Variants in LCP1 observed in about 807,000 individuals in gnomAD.
LCP1 encodes lymphocyte cytosolic protein 1.
LCP1 carries 23 observed loss-of-function variants against 72.0 expected under a neutral mutation model. The ratio of observed to expected loss-of-function variants is 0.32; its 90% CI spans 0.23 to 0.45. The LOEUF (loss-of-function observed/expected upper bound fraction) is 0.45. Ranked by LOEUF, LCP1 falls within the 20% of genes least tolerant of loss-of-function variation. The pLI is 1.00. For synonymous variants in LCP1, 245 were observed against 275.4 expected, an observed-to-expected ratio of 0.89 and a Z score of 1.09; for missense variants, 571 against 748.3, an observed-to-expected ratio of 0.76 and a Z score of 2.76.
intron 1 of LCP1, among the ~76,000 whole-genome samples, chr13:46,179,652 A>C (rs1318497873): frequency 2.0e-5 from 3 of 152,070 alleles, no homozygotes; most frequent in African/African-American, 7.2e-5. Flanking sequence ...ATAAAGAAGA[A>C]TGCAATTAAA....
rs2045702910 is a variant in LCP1, at chr13:46,142,250, AT to A, written c.1502+41del. 6 of 1,590,532 alleles carry A rather than the reference AT, an allele frequency of 3.8e-6. No individual in the cohort carries two copies. The East Asian group carries it at 1.3e-4, about 36-fold the overall frequency. ...AATTTGCTAATATTTGTCTAAGTAA[AT>A]AATGTATTCAAGAAAAAGCCACTTC... On this transcript the variant is annotated intron_variant, in intron 13 of 15. Transcript: ENST00000323076.
chr13:46,158,450 C>T (rs1219677210), intron 4 of LCP1, 72 bp downstream of exon 4: 4 of 1,541,602 alleles, frequency 2.6e-6, no homozygotes, highest in African/African-American at 1.4e-5. Context: ...TTGTTTACAT[C>T]CCTTAGGTTT....
intron 1 of LCP1, among the ~76,000 whole-genome samples, chr13:46,166,597 C>T (rs1566445010): frequency 1.3e-5 from 2 of 152,106 alleles, no homozygotes; most frequent in Non-Finnish European, 1.5e-5. Context: ...ATCTCAAGAA[C>T]AATCAGTAAT....
intron 12 of LCP1, 83 bp downstream of exon 12, chr13:46,143,207 G>T: frequency 2.4e-6 from 2 of 845,592 alleles, no homozygotes; most frequent in Non-Finnish European, 3.9e-6. Context: ...GTCTACGTTT[G>T]GCTGCCTTAT....
intron 13 of LCP1, among the ~76,000 whole-genome samples, chr13:46,134,866 G>A (rs896738065): frequency 1.3e-5 from 2 of 152,034 alleles, no homozygotes; most frequent in African/African-American, 4.8e-5. Context: ...CACTTTAGGA[G>A]GCCAAGGTGA....
chr13:46,163,153 G>A lies in LCP1; in HGVS notation c.-24-3467C>T, dbSNP rs377047208. Among the ~76,000 whole-genome samples, 6 of 152,246 alleles carry A rather than the reference G, an allele frequency of 3.9e-5. No homozygotes were observed. The East Asian group carries it at 7.7e-4, about 20-fold the overall frequency. ...TGGGAGGTGTACCCAACAGCTCATT[G>A]AGAACGGGCCAGGATGACAATGGCG... On this transcript the variant is annotated intron_variant, in intron 1 of 15. Transcript: ENST00000323076.
intron 13 of LCP1, among the ~76,000 whole-genome samples, chr13:46,136,114 A>ACACAC (rs1566434252): frequency 9.6e-5 from 11 of 114,412 alleles, no homozygotes; most frequent in Non-Finnish European, 1.7e-4. Context: ...CACACACACA[A>ACACAC]AGACCTATAC....
Position 46,158,929 on chromosome 13 carries a change from C to A in LCP1, c.125G>T (p.Cys42Phe). 6.2e-7 allele frequency: 1 copy of A among 1,614,116 alleles called. No individual in the cohort carries two copies. Among genetic ancestry groups the A allele is most frequent in the East Asian group, 2.2e-5 (1 of 44,880 alleles). ...NELNDLFKAA[C>F]LPLPGYRVRE... ...TACTCTATACCCAGGCAAAGGCAAGCAAGCAGCCTTGAACAAGTCATTCAA... is the reference window on the plus strand; with the variant it reads ...TACTCTATACCCAGGCAAAGGCAAGAAAGCAGCCTTGAACAAGTCATTCAA... Residue 42 changes from cysteine (C) to phenylalanine (F), a missense_variant, in exon 3 of 16, where the codon TGC (cysteine) becomes TTC (phenylalanine). By Grantham distance (205) the Cys-to-Phe change is radical. Transcript: ENST00000323076.
chr13:46,158,815 A>G lies in LCP1; in HGVS notation c.228+11T>C. ...TCAAATGTGTCTCCTTGTATTCTGC[A>G]TGGTACTCACCTTGATAAACTCATC... On this transcript the variant is annotated intron_variant, in intron 3 of 15. Transcript: ENST00000323076. The G allele has an allele frequency of 1.2e-6, 2 of 1,613,808 alleles. No homozygotes were observed. Among genetic ancestry groups the G allele is most frequent in the East Asian group, 2.2e-5 (1 of 44,882 alleles).
intron 10 of LCP1, among the ~76,000 whole-genome samples, chr13:46,145,059 G>GTC (rs1329417798): frequency 7.9e-5 from 12 of 152,252 alleles, no homozygotes; most frequent in African/African-American, 2.9e-4. Context: ...AACAGGCAAG[G>GTC]TCTCTATTAA....
rs371587499 is a variant in LCP1 at position 46,157,895 on chromosome 13, C to T, written c.358+627G>A. Among the ~76,000 whole-genome samples the T allele has an allele frequency of 7.2e-5, 11 of 152,036 alleles. No homozygotes were observed. In the South Asian group the frequency reaches 1.9e-3, roughly 26 times the overall value. On this transcript the variant is annotated intron_variant, in intron 4 of 15. Coordinates refer to ENST00000323076, the MANE Select transcript of LCP1 (RefSeq NM_002298.5). ...CCGAGTCGATGAGATTACAGGCATG[C>T]GCCACTGCACCCAGTAGAACGGGGT... is the stretch of plus-strand genomic sequence containing the variant.
chr13:46,130,361 G>T (rs2045626386), intron 15 of LCP1, among the ~76,000 whole-genome samples: 1 of 152,192 alleles, frequency 6.6e-6, no homozygotes. Context: ...ATCTGGCTCA[G>T]AAACTGTAAT....
rs377721881 is a variant in LCP1, at chr13:46,158,787, G to T, written c.228+39C>A. 1.6e-5 allele frequency: 26 copies of T among 1,606,196 alleles called. No homozygotes were observed. In the African/African-American group the frequency reaches 3.2e-4, roughly 20 times the overall value. ...TTTTAAAACAGAATTCAAGTTCCAA[G>T]TTTCAAATGTGTCTCCTTGTATTCT... On this transcript the variant is annotated intron_variant, in intron 3 of 15. Transcript: ENST00000323076.
intron 7 of LCP1, 145 bp from the exon 8 acceptor site, chr13:46,151,223 G>A: frequency 1.4e-6 from 1 of 706,196 alleles, no homozygotes; most frequent in Non-Finnish European, 2.2e-6. Context: ...CCTTTCCCAT[G>A]GATTAAATAT....
At chr13:46,137,287 G>C (rs2045670833) in intron 13 of LCP1, among the ~76,000 whole-genome samples, 2 of 151,794 alleles carry the variant, frequency 1.3e-5, no homozygotes, top group South Asian at 4.2e-4. Context: ...CCTGTAATTC[G>C]AGCACTTTGG....
In LCP1 at chr13:46,154,830, T is replaced by C. The variant is rs775107332; in HGVS notation, c.548A>G (p.Lys183Arg). 2 of 1,614,100 alleles carry C rather than the reference T, an allele frequency of 1.2e-6. No homozygotes were observed. The highest frequency in any genetic ancestry group is 1.7e-5 in the Admixed American group (1 of 60,028). The stretch of plus-strand genomic sequence containing the variant: ...CTGAATGGTGAAAGGGGTTAGCTTC[T>C]TTTTGTTGATTGTTCTTTCATCAAT... ...DTIDERTINK[K>R]KLTPFTIQEN... Residue 183 changes from lysine (K) to arginine (R), a missense_variant, in exon 6 of 16, where the codon AAG becomes AGG. Transcript: ENST00000323076.
At chr13:46,127,836 C>CAGG in intron 15 of LCP1, 113 bp from the exon 16 acceptor site, 2 of 1,279,628 alleles carry the variant, frequency 1.6e-6, no homozygotes, top group Non-Finnish European at 2.2e-6. Context: ...CTCACTCCTG[C>CAGG]AGTGGCTGGA....
intron 1 of LCP1, among the ~76,000 whole-genome samples, chr13:46,172,357 G>A (rs1332675520): frequency 6.6e-6 from 1 of 152,056 alleles, no homozygotes; most frequent in Admixed American, 6.6e-5. Context: ...GGTGATGGGT[G>A]CCTGTAATCC....
chr13:46,163,937 A>T (rs1471517161), intron 1 of LCP1, among the ~76,000 whole-genome samples: 4 of 152,228 alleles, frequency 2.6e-5, no homozygotes, highest in Non-Finnish European at 1.5e-5. Context: ...TCATGTTTTT[A>T]AATGTCTTAA....
Sources: gnomAD v4.1 joint callset for allele counts (sites outside exome capture counted in the v4.1 genomes callset) on GRCh38, gnomAD v4.1.1 for gene constraint, MANE v1.5 for transcripts, NCBI Gene and HGNC (gene_info 2026-07-23, HGNC 2026-07-21) for gene names.